Variants in PLCB1 observed in about 807,000 individuals in gnomAD.
PLCB1 encodes 1-phosphatidylinositol 4,5-bisphosphate phosphodiesterase beta-1.
Under a neutral mutation model 161.8 loss-of-function variants are expected in PLCB1, and 46 were observed. That is an observed-to-expected ratio of 0.28 (90% CI 0.22 to 0.36). PLCB1 has a LOEUF of 0.36. PLCB1 is among the 10% of genes least tolerant of loss of function. The pLI is 1.00. For missense variants in PLCB1, 1,016 were observed against 1,472.5 expected (o/e 0.69, Z 5.07); for synonymous variants, 517 against 503.7 (o/e 1.03, Z -0.35).
At chr20:8,702,213 C>T (rs1019626893) in intron 11 of PLCB1, among the ~76,000 whole-genome samples, 1 of 152,084 alleles carries the variant, frequency 6.6e-6, no homozygotes, top group African/African-American at 2.4e-5. Context: ...TTATTTATCC[C>T]ATATATCTGT....
chr20:8,508,331 G>C (rs1275672239), intron 3 of PLCB1, among the ~76,000 whole-genome samples: 2 of 152,176 alleles, frequency 1.3e-5, no homozygotes, highest in Non-Finnish European at 2.9e-5. Flanking sequence ...TTGTTTTGCT[G>C]GGGCTGAACT....
intron 3 of PLCB1, among the ~76,000 whole-genome samples, chr20:8,442,240 T>C (rs1309922767): frequency 6.6e-6 from 1 of 152,228 alleles, no homozygotes; most frequent in African/African-American, 2.4e-5. Flanking sequence ...GATGATAATT[T>C]CTAAAGAACA....
chr20:8,671,032 A>G (rs1219965482), intron 9 of PLCB1, among the ~76,000 whole-genome samples: 2 of 152,192 alleles, frequency 1.3e-5, no homozygotes, highest in Admixed American at 6.5e-5. Context: ...GCAATGATGA[A>G]TGGATTCTCA....
At chr20:8,678,020 C>T (rs1213163676) in intron 9 of PLCB1, among the ~76,000 whole-genome samples, 3 of 152,162 alleles carry the variant, frequency 2.0e-5, no homozygotes, top group African/African-American at 4.8e-5. Context: ...CCAGAAAAGA[C>T]TTCAAGAGAA....
chr20:8,839,673 G>A (rs904982590), intron 31 of PLCB1, among the ~76,000 whole-genome samples: 4 of 150,620 alleles, frequency 2.7e-5, no homozygotes, highest in South Asian at 2.1e-4. Context: ...AAACATTATC[G>A]CAGCATGCTA....
intron 31 of PLCB1, among the ~76,000 whole-genome samples, chr20:8,871,771 G>C (rs900656585): frequency 3.3e-5 from 5 of 152,120 alleles, no homozygotes; most frequent in African/African-American, 7.2e-5. Flanking sequence ...ACAAGGACTG[G>C]TTCATAGGCA....
intron 3 of PLCB1, among the ~76,000 whole-genome samples, chr20:8,419,841 A>C (rs1189327849): frequency 3.3e-5 from 5 of 152,194 alleles, no homozygotes; most frequent in Admixed American, 6.5e-5. Flanking sequence ...ATGTTTATAC[A>C]TCCAATCTTC....
At chr20:8,792,895 A>G (rs1239666026) in intron 31 of PLCB1, 1 of 321,004 alleles carries the variant, frequency 3.1e-6, no homozygotes, top group Non-Finnish European at 6.1e-6. Flanking sequence ...ATGTGAAGAA[A>G]GACCAAAGCA....
At chr20:8,697,512 T>C in intron 10 of PLCB1, 114 bp from the exon 11 acceptor site, 1 of 1,020,958 alleles carries the variant, frequency 9.8e-7, no homozygotes, top group Non-Finnish European at 1.5e-6. Flanking sequence ...AAAGAATAAC[T>C]GCTGCAGCTC....
At chr20:8,616,282 A>G (rs1433333976) in intron 3 of PLCB1, among the ~76,000 whole-genome samples, 2 of 151,950 alleles carry the variant, frequency 1.3e-5, no homozygotes, top group East Asian at 3.9e-4. Context: ...AACCTTCTCT[A>G]CTAGCTTTTA....
chr20:8,417,589 G>A (rs1239253759), intron 3 of PLCB1, among the ~76,000 whole-genome samples: 1 of 151,888 alleles, frequency 6.6e-6, no homozygotes, highest in African/African-American at 2.4e-5. Flanking sequence ...TCTTTTAGGG[G>A]AGCTCAAGAT....
intron 2 of PLCB1, among the ~76,000 whole-genome samples, chr20:8,234,330 G>A (rs902608628): frequency 2.0e-5 from 3 of 152,036 alleles, no homozygotes; most frequent in Admixed American, 2.0e-4. Flanking sequence ...ATAATAAAAG[G>A]GAGCAGGGTG....
chr20:8,811,345 G>A (rs921595115), intron 31 of PLCB1, among the ~76,000 whole-genome samples: 5 of 152,166 alleles, frequency 3.3e-5, no homozygotes, highest in African/African-American at 1.2e-4. Flanking sequence ...GGAGGAAATA[G>A]GAGGGAAAAT....
At chr20:8,582,455 C>G (rs1187975770) in intron 3 of PLCB1, among the ~76,000 whole-genome samples, 6 of 152,136 alleles carry the variant, frequency 3.9e-5, no homozygotes, top group Non-Finnish European at 8.8e-5. Context: ...CAGAACTCTC[C>G]AGGATCAGGC....
intron 3 of PLCB1, among the ~76,000 whole-genome samples, chr20:8,376,773 A>C (rs1325338482): frequency 6.6e-6 from 1 of 151,942 alleles, no homozygotes; most frequent in Non-Finnish European, 1.5e-5. Flanking sequence ...CTAAAAATAC[A>C]AAAAATTAGC....
chr20:8,247,618 GCA>G (rs555420003), intron 2 of PLCB1, among the ~76,000 whole-genome samples: 7 of 149,938 alleles, frequency 4.7e-5, no homozygotes, highest in Non-Finnish European at 7.4e-5. Context: ...ATTTAATACA[GCA>G]CACACACACA....
At position 8,132,784 on chromosome 20, in the gene PLCB1, G is replaced by C. The variant is rs202134023; in HGVS notation, c.99+34G>C. 8 of 1,499,846 alleles carry C rather than the reference G, an allele frequency of 5.3e-6. No homozygotes were observed. Among genetic ancestry groups the C allele is most frequent in the Non-Finnish European group, 7.4e-6 (8 of 1,080,138 alleles). The allele number at this position is 1,499,846 out of a possible 1,614,324, so 92.9% of individuals were successfully genotyped here. ...TGGGGCGGCCCGAGTCGGGGCGCTG[G>C]CTCGGGCACCGGGCAGGGCGGGCGT... On this transcript the variant is annotated intron_variant, in intron 1 of 31. Coordinates refer to ENST00000338037, the MANE Select transcript of PLCB1 (RefSeq NM_015192.4). This position sits in a 1 kb window ranked among gnomAD's most constrained non-coding sequence, Gnocchi z 5.2.
intron 16 of PLCB1, among the ~76,000 whole-genome samples, chr20:8,725,703 G>A (rs575128173): frequency 5.9e-5 from 9 of 152,098 alleles, no homozygotes; most frequent in South Asian, 2.1e-4. Flanking sequence ...ACATCCTAGC[G>A]TAGTTATTTT....
At chr20:8,739,495 T>C (rs1310499616) in intron 21 of PLCB1, 135 bp downstream of exon 21, 5 of 631,000 alleles carry the variant, frequency 7.9e-6, no homozygotes, top group Non-Finnish European at 1.4e-5. Context: ...GCGATGAGAT[T>C]TAGTTACATG....
Sources: gnomAD v4.1 joint callset for allele counts (sites outside exome capture counted in the v4.1 genomes callset) on GRCh38, gnomAD v4.1.1 for gene constraint, Gnocchi (gnomAD v3.1) non-coding constraint, MANE v1.5 for transcripts, NCBI Gene and HGNC (gene_info 2026-07-23, HGNC 2026-07-21) for gene names.